Variants in NOL4 observed in about 807,000 individuals in gnomAD.
The protein encoded by NOL4 is cancer/testis antigen 125.
In NOL4, 17 loss-of-function variants were observed where a neutral mutation model predicts 75.9. The ratio of observed to expected loss-of-function variants is 0.22; its 90% CI spans 0.15 to 0.34. The LOEUF is 0.34. Among genes scored for constraint, NOL4 ranks in the 10% least tolerant of loss-of-function variants. The pLI is 1.00. For missense variants in NOL4, 614 were observed against 793.5 expected, an observed-to-expected ratio of 0.77 and a Z score of 2.72; for synonymous variants, 292 against 289.9, an observed-to-expected ratio of 1.01 and a Z score of -0.07.
chr18:34,094,398 C>T (rs943990160), intron 4 of NOL4, among the ~76,000 whole-genome samples: 8 of 152,078 alleles, frequency 5.3e-5, no homozygotes, highest in Non-Finnish European at 7.4e-5. Flanking sequence ...ATAAATTGCA[C>T]GGCAACCACA....
At chr18:33,958,525 T>A in intron 6 of NOL4, 107 bp from the exon 7 acceptor site, 1 of 926,948 alleles carries the variant, frequency 1.1e-6, no homozygotes, top group Non-Finnish European at 1.6e-6. Flanking sequence ...TGTTTATGAG[T>A]TGATAACTCT....
intron 1 of NOL4, among the ~76,000 whole-genome samples, chr18:34,141,173 G>A (rs1376651235): frequency 3.3e-5 from 5 of 152,072 alleles, no homozygotes; most frequent in East Asian, 1.9e-4. Context: ...ACTGCTTAAC[G>A]AAATAAAAGA....
At chr18:34,044,826 A>T (rs1234168045) in intron 5 of NOL4, among the ~76,000 whole-genome samples, 1 of 152,040 alleles carries the variant, frequency 6.6e-6, no homozygotes, top group Non-Finnish European at 1.5e-5. Context: ...TGACTTTCCT[A>T]TGTCTATAAT....
chr18:33,994,957 CAG>C (rs1282009398), intron 6 of NOL4, among the ~76,000 whole-genome samples: 3 of 151,252 alleles, frequency 2.0e-5, no homozygotes, highest in Non-Finnish European at 4.4e-5. Flanking sequence ...AGGGAACTAA[CAG>C]AAATAAAAAA....
intron 2 of NOL4, among the ~76,000 whole-genome samples, chr18:34,105,785 T>C (rs1000252534): frequency 1.3e-5 from 2 of 152,034 alleles, no homozygotes; most frequent in African/African-American, 2.4e-5. Context: ...ATGTCCATAA[T>C]AGCTCACACT....
At chr18:34,100,050 T>C (rs1843451428) in intron 4 of NOL4, among the ~76,000 whole-genome samples, 1 of 151,940 alleles carries the variant, frequency 6.6e-6, no homozygotes, top group Admixed American at 6.6e-5. Context: ...CTTTTTTTTT[T>C]TTTTTAACTG....
At chr18:34,052,597 T>A (rs1299359064) in intron 5 of NOL4, among the ~76,000 whole-genome samples, 1 of 152,068 alleles carries the variant, frequency 6.6e-6, no homozygotes, top group East Asian at 1.9e-4. Context: ...TAAACAATCA[T>A]TTATTCAGCA....
At chr18:34,029,586 C>T (rs1308880037) in intron 5 of NOL4, among the ~76,000 whole-genome samples, 2 of 152,148 alleles carry the variant, frequency 1.3e-5, no homozygotes, top group African/African-American at 4.8e-5. Flanking sequence ...GTGGCCTTTT[C>T]TCTCCACCAT....
intron 6 of NOL4, among the ~76,000 whole-genome samples, chr18:34,014,000 A>C (rs368476346): frequency 6.6e-6 from 1 of 151,998 alleles, no homozygotes; most frequent in East Asian, 1.9e-4. Context: ...AATAATGAGC[A>C]GGAATATCCA....
At chr18:34,196,058 A>G (rs1034452767) in intron 1 of NOL4, among the ~76,000 whole-genome samples, 16 of 152,168 alleles carry the variant, frequency 1.1e-4, no homozygotes, top group African/African-American at 3.9e-4. Context: ...CCAAAAAAAA[A>G]GATGATTATG....
chr18:34,093,544 C>T lies in NOL4; in HGVS notation c.693G>A (p.Met231Ile). 1 of 1,608,828 alleles carries T rather than the reference C, an allele frequency of 6.2e-7. No homozygotes were observed. The highest frequency in any genetic ancestry group is 8.5e-7 in the Non-Finnish European group (1 of 1,176,742). Reference sequence around the variant, plus strand: ...AGCTAAGATCAGAGTTCACAGCTGACATCCGTGTTGAATCACTCATGTCAA... The same window carrying T: ...AGCTAAGATCAGAGTTCACAGCTGATATCCGTGTTGAATCACTCATGTCAA... The part of the protein sequence containing the change: ...DEFDMSDSTR[M>I]SAVNSDLSSN... Residue 231 changes from methionine to isoleucine, a missense_variant, in exon 5 of 11, where the codon ATG becomes ATA. Physicochemically the swap from Met to Ile is conservative, Grantham distance 10. Coordinates refer to ENST00000261592, the MANE Select transcript of NOL4 (RefSeq NM_003787.5).
intron 9 of NOL4, among the ~76,000 whole-genome samples, chr18:33,909,399 C>T (rs189662936): frequency 7.2e-4 from 110 of 152,252 alleles, no homozygotes; most frequent in African/African-American, 2.6e-3. Flanking sequence ...TTTCCTAAGT[C>T]CACATTTCCA....
At chr18:33,992,958 C>G (rs1042764323) in intron 6 of NOL4, among the ~76,000 whole-genome samples, 2 of 151,954 alleles carry the variant, frequency 1.3e-5, no homozygotes, top group Non-Finnish European at 2.9e-5. Flanking sequence ...AAGTTTTAGG[C>G]TAAGGGAACT....
Position 34,093,606 on chromosome 18 carries a change from A to T in NOL4, c.640-9T>A, listed in dbSNP as rs1394107969. On this transcript the variant is annotated splice_polypyrimidine_tract_variant and intron_variant, in intron 4 of 10. Coordinates refer to ENST00000261592, the MANE Select transcript of NOL4 (RefSeq NM_003787.5). Reference sequence around the variant, plus strand: ...TCTATTGAACTTTCATCCTGAAAATAGTTTTAAAATATCATCAAGCATTTT... The same window carrying T: ...TCTATTGAACTTTCATCCTGAAAATTGTTTTAAAATATCATCAAGCATTTT... 6.4e-7 allele frequency: 1 copy of T among 1,566,288 alleles called. No individual in the cohort carries two copies. Among genetic ancestry groups the T allele is most frequent in the Admixed American group, 1.8e-5 (1 of 54,834 alleles).
At chr18:33,871,204 A>G (rs975950973) in intron 10 of NOL4, among the ~76,000 whole-genome samples, 5 of 152,086 alleles carry the variant, frequency 3.3e-5, no homozygotes, top group Non-Finnish European at 7.4e-5. Flanking sequence ...CAAAGGTTGA[A>G]AAGTTTATGA....
chr18:34,125,917 A>T (rs1443977244), intron 2 of NOL4, among the ~76,000 whole-genome samples: 1 of 151,968 alleles, frequency 6.6e-6, no homozygotes, highest in African/African-American at 2.4e-5. Flanking sequence ...ATGCTTTCTT[A>T]TAAACCCAAA....
At chr18:34,134,073 A>G (rs1188920879) in intron 1 of NOL4, among the ~76,000 whole-genome samples, 1 of 152,094 alleles carries the variant, frequency 6.6e-6, no homozygotes, top group South Asian at 2.1e-4. Flanking sequence ...TTTAAAACAC[A>G]TAAGATTATA....
intron 8 of NOL4, among the ~76,000 whole-genome samples, chr18:33,954,555 A>C (rs538114079): frequency 6.6e-6 from 1 of 151,970 alleles, no homozygotes; most frequent in Non-Finnish European, 1.5e-5. Context: ...TTTAGGAAAA[A>C]GGGATTAAAT....
intron 1 of NOL4, among the ~76,000 whole-genome samples, chr18:34,195,627 C>CAA (rs1246973156): frequency 1.9e-5 from 2 of 107,790 alleles, no homozygotes; most frequent in African/African-American, 3.4e-5. Flanking sequence ...TGTTACTTTT[C>CAA]AAAAAAAAAA....
Sources: gnomAD v4.1 joint callset for allele counts (sites outside exome capture counted in the v4.1 genomes callset) on GRCh38, gnomAD v4.1.1 for gene constraint, MANE v1.5 for transcripts, NCBI Gene and HGNC (gene_info 2026-07-23, HGNC 2026-07-21) for gene names.